Variants in PRAM1 observed in about 807,000 individuals in gnomAD.
PRAM1 encodes PML-RARA regulated adaptor molecule 1, also known as PML-RARA-regulated adapter molecule 1.
A neutral mutation model predicts 55.3 loss-of-function variants in PRAM1; 41 were observed. The ratio of observed to expected loss-of-function variants is 0.74; its 90% CI spans 0.58 to 0.96. The LOEUF (loss-of-function observed/expected upper bound fraction) is 0.96, where lower values mean the gene tolerates loss of function less well. PRAM1 is among the 40% of genes least tolerant of loss of function. PRAM1 has a pLI of 0.00. For synonymous variants in PRAM1, 401 were observed against 387.1 expected (o/e 1.04, Z -0.42); for missense variants, 898 against 892.7 (o/e 1.01, Z -0.08).
intron 3 of PRAM1, 30 bp from the exon 4 acceptor site, chr19:8,497,870 CTTTTT>C (rs58671333): frequency 3.7e-3 from 1,334 of 357,260 alleles, no homozygotes; most frequent in East Asian, 4.4e-3. Context: ...GAGGCCTCTT[CTTTTT>C]TTTTTTTTTT....
chr19:8,491,226 T>C (rs1451480281), intron 4 of PRAM1, 69 bp from the exon 5 acceptor site: 7 of 1,464,382 alleles, frequency 4.8e-6, no homozygotes, highest in Non-Finnish European at 5.6e-6. Context: ...GTAGCTGTTT[T>C]TTGTTTGTTT....
At chr19:8,496,792 C>T (rs1971705040) in intron 4 of PRAM1, among the ~76,000 whole-genome samples, 1 of 152,042 alleles carries the variant, frequency 6.6e-6, no homozygotes, top group Non-Finnish European at 1.5e-5. Context: ...AATCCCAGCA[C>T]TTTGGGAGGC....
rs1205362747 is a variant in PRAM1 at position 8,493,805 on chromosome 19, C to A, written c.1577-2648G>T. The stretch of plus-strand genomic sequence containing the variant: ...AGGGAAGTGGGACCTTTTTTTTTTT[C>A]TTTTTTTCTTGAGACAGGGTCTCGT... On this transcript the variant is annotated intron_variant, in intron 4 of 9. Coordinates refer to ENST00000423345, the MANE Select transcript of PRAM1 (RefSeq NM_032152.5). This position sits in a 1 kb window ranked among gnomAD's most constrained non-coding sequence, Gnocchi z 4.1. Among the ~76,000 whole-genome samples the A allele has an allele frequency of 1.3e-5, 2 of 149,170 alleles. No individual in the cohort carries two copies. The highest frequency in any genetic ancestry group is 3.0e-5 in the Non-Finnish European group (2 of 67,106).
rs756052037 is a variant in PRAM1 at position 8,490,868 on chromosome 19, C to CTTAG, written c.1743+15_1743+18dup. The CTTAG allele has an allele frequency of 1.2e-6, 2 of 1,612,004 alleles. No homozygotes were observed. Among genetic ancestry groups the CTTAG allele is most frequent in the South Asian group, 2.2e-5 (2 of 91,076 alleles). On this transcript the variant is annotated intron_variant, in intron 6 of 9. Transcript: ENST00000423345. This position sits in a 1 kb window ranked among gnomAD's most constrained non-coding sequence, Gnocchi z 7.3. ...GGTCTCCGCCCTGCCAGGACTCCTG[C>CTTAG]TTAGCTCAGAGGCCTCACCTTGAAC...
Position 8,490,591 on chromosome 19 carries a change from C to A in PRAM1, c.1906+3G>T. On this transcript the variant is annotated splice_donor_region_variant and intron_variant, in intron 7 of 9. Coordinates refer to ENST00000423345, the MANE Select transcript of PRAM1 (RefSeq NM_032152.5). The surrounding 1 kb of genome is among the most constrained non-coding windows in gnomAD (Gnocchi z 7.3). ...CCGGGGCTGCGGGGCCGGGCGCACT[C>A]ACATTTGCCTTTGGGGTCCCGGCAC... The A allele has an allele frequency of 6.3e-7, 1 of 1,587,586 alleles. No individual in the cohort carries two copies. Among genetic ancestry groups the A allele is most frequent in the East Asian group, 2.3e-5 (1 of 43,378 alleles).
intron 1 of PRAM1, among the ~76,000 whole-genome samples, 184 bp downstream of exon 1, chr19:8,502,381 T>C (rs11667920): frequency 0.26 from 40,141 of 151,938 alleles, 5,888 homozygotes; most frequent in East Asian, 0.52. Flanking sequence ...CGCGCTGTCC[T>C]GGGGTGTGCC....
At position 8,490,488 on chromosome 19, in the gene PRAM1, G is replaced by A. The variant is rs780939914; in HGVS notation, c.1928C>T (p.Ala643Val). 8 of 1,612,368 alleles carry A rather than the reference G, an allele frequency of 5.0e-6. No individual in the cohort carries two copies. The highest frequency in any genetic ancestry group is 1.7e-5 in the Admixed American group (1 of 59,798). ...KGKYGYVPRT[A>V]LLPLETEVYD... is the part of the protein sequence containing the mutation. ...GGCTGGCACTCACAGGGGCAGGAGCGCTGTTCTGGGCACGTAGCCATCTGT... is the reference window on the plus strand; with the variant it reads ...GGCTGGCACTCACAGGGGCAGGAGCACTGTTCTGGGCACGTAGCCATCTGT... Residue 643 changes from alanine (A) to valine (V), a missense_variant, in exon 8 of 10, where the codon GCG becomes GTG. Physicochemically the swap from Ala to Val is moderately conservative, Grantham distance 64 (BLOSUM62 0). Around this residue, in one of 4 missense-constraint regions of PRAM1, gnomAD observed 787 missense variants for 735.4 expected, o/e 1.07. Coordinates refer to ENST00000423345, the MANE Select transcript of PRAM1 (RefSeq NM_032152.5). The surrounding 1 kb of genome is among the most constrained non-coding windows in gnomAD (Gnocchi z 7.3).
rs751602709 is a variant in PRAM1 at position 8,499,519 on chromosome 19, G to A, written c.289C>T (p.Pro97Ser). 4.7e-6 allele frequency: 3 copies of A among 640,012 alleles called. No homozygotes were observed. Among genetic ancestry groups the A allele is most frequent in the Admixed American group, 2.9e-5 (1 of 34,308 alleles). 39.6% of individuals were successfully genotyped at this position (640,012 alleles called of 1,614,324 possible). A position where few individuals can be genotyped will look rare whatever the true frequency, so the allele number is the denominator to read the frequency against. Reference sequence around the variant, plus strand: ...TTGGGGAGGTCAGTGACCTCAGGCGGCGGGGGCTTCTTGGGGAGGTCAGTG... The same window carrying A: ...TTGGGGAGGTCAGTGACCTCAGGCGACGGGGGCTTCTTGGGGAGGTCAGTG... ...EVTDLPKKPP[P>S]PEVTDLPKKP... is the part of the protein sequence containing the mutation. Residue 97 changes from proline (P) to serine (S), a missense_variant, in exon 2 of 10, where the codon CCG (proline) becomes TCG (serine). Physicochemically the swap from Pro to Ser is moderately conservative, Grantham distance 74. Coordinates refer to ENST00000423345, the MANE Select transcript of PRAM1 (RefSeq NM_032152.5).
rs757273448 is a variant in PRAM1, at chr19:8,490,502, G to A, written c.1914C>T (p.Tyr638=). Residue 638 remains tyrosine (Y), a synonymous_variant, in exon 8 of 10, where the codon TAC becomes TAT. Transcript: ENST00000423345. The surrounding 1 kb of genome is among the most constrained non-coding windows in gnomAD (Gnocchi z 7.3). ...LCRDPKGKYG[Y]VPRTALLPLE... ...GGGGCAGGAGCGCTGTTCTGGGCAC[G>A]TAGCCATCTGTGGAGAGAGTGGGCA... is the stretch of plus-strand genomic sequence containing the variant. 130 of 1,611,454 alleles carry A rather than the reference G, an allele frequency of 8.1e-5. 1 individual carries two copies. In the Admixed American group the frequency reaches 1.9e-3, roughly 24 times the overall value.
In PRAM1 at chr19:8,498,691, C is replaced by T; in HGVS notation, c.1117G>A (p.Glu373Lys). 6.2e-7 allele frequency: 1 copy of T among 1,604,286 alleles called. No individual in the cohort carries two copies. Among genetic ancestry groups the T allele is most frequent in the Non-Finnish European group, 8.5e-7 (1 of 1,175,864 alleles). Residue 373 changes from glutamate (E) to lysine (K), a missense_variant, in exon 2 of 10, where the codon GAG (glutamate) becomes AAG (lysine). Around this residue, in one of 4 missense-constraint regions of PRAM1, gnomAD observed 787 missense variants for 735.4 expected, o/e 1.07. Coordinates refer to ENST00000423345, the MANE Select transcript of PRAM1 (RefSeq NM_032152.5). ...TTTCGAGGGAGATCACCGAAGAACT[C>T]AGGCTGCGGGTGTCTCTTGAGGACA... ...SAVLKRHPQP[E>K]FFGDLPRKPP... is the part of the protein sequence containing the mutation.
At chr19:8,492,885 T>A (rs1302631031) in intron 4 of PRAM1, among the ~76,000 whole-genome samples, 1 of 152,020 alleles carries the variant, frequency 6.6e-6, no homozygotes, top group African/African-American at 2.4e-5. Flanking sequence ...TAATGCCAGC[T>A]ACTCAGGAGG....
At position 8,497,720 on chromosome 19, in the gene PRAM1, T is replaced by C. The variant is rs1367733688; in HGVS notation, c.1576+44A>G. 3 of 1,528,068 alleles carry C rather than the reference T, an allele frequency of 2.0e-6. No individual in the cohort carries two copies. The East Asian group carries it at 6.7e-5, about 34-fold the overall frequency. The allele number at this position is 1,528,068 out of a possible 1,614,324, so 94.7% of individuals were successfully genotyped here. A position where few individuals can be genotyped will look rare whatever the true frequency, so the allele number is the denominator to read the frequency against. On this transcript the variant is annotated intron_variant, in intron 4 of 9. Transcript: ENST00000423345. ...CCAGGAGCATGGCAGAAAATGGCCT[T>C]GCCCCGAATGTTTTGCAGGGACTCG... is the stretch of plus-strand genomic sequence containing the variant.
intron 4 of PRAM1, among the ~76,000 whole-genome samples, chr19:8,496,895 G>A (rs1021297696): frequency 2.0e-5 from 3 of 152,024 alleles, no homozygotes; most frequent in African/African-American, 7.3e-5. Flanking sequence ...GCGCGGTGGT[G>A]GGTGCCTGTA....
At position 8,499,691 on chromosome 19, in the gene PRAM1, A is replaced by G; in HGVS notation, c.117T>C (p.Pro39=). 6.2e-7 allele frequency: 1 copy of G among 1,613,814 alleles called. No individual in the cohort carries two copies. The highest frequency in any genetic ancestry group is 8.5e-7 in the Non-Finnish European group (1 of 1,179,844). The change falls in exon 2 of 10, where the codon CCT becomes CCC. Residue 39 remains proline (P), a synonymous_variant. Transcript: ENST00000423345. ...PSDLPKKPPK[P]EFGKLKKFSQ... is the part of the protein sequence containing the mutation. ...AGAACTTCTTCAGTTTACCAAACTC[A>G]GGCTTCGGAGGTTTTTTGGGCAGGT...
At chr19:8,501,491 T>G in intron 1 of PRAM1, among the ~76,000 whole-genome samples, 1 of 150,930 alleles carries the variant, frequency 6.6e-6, no homozygotes, top group Admixed American at 6.7e-5. Context: ...TTTTACATTG[T>G]TTTTAATGTG....
rs1272740977 is a variant in PRAM1, at chr19:8,490,276, A to G, written c.1976-50T>C. ...GGACCCCTCTCCCCAGAAGCCCAAT[A>G]GTGAGCAGCGCCCCCGGGGAATCGC... On this transcript the variant is annotated intron_variant, in intron 9 of 9. Coordinates refer to ENST00000423345, the MANE Select transcript of PRAM1 (RefSeq NM_032152.5). This position sits in a 1 kb window ranked among gnomAD's most constrained non-coding sequence, Gnocchi z 7.3. 24 of 1,613,224 alleles carry G rather than the reference A, an allele frequency of 1.5e-5. No homozygotes were observed. Among genetic ancestry groups the G allele is most frequent in the Non-Finnish European group, 1.8e-5 (21 of 1,179,618 alleles).
At position 8,498,782 on chromosome 19, in the gene PRAM1, G is replaced by C. The variant is rs755914109; in HGVS notation, c.1026C>G (p.Pro342=). The stretch of plus-strand genomic sequence containing the variant: ...GGCGCTCCGGCTGCAGCAGCTTCCT[G>C]GGGAGTGAGTTGAACTCGGGCTCTG... The part of the protein sequence containing the change: ...TSSEPEFNSL[P]RKLLQPERRG... Residue 342 remains proline, a synonymous_variant, in exon 2 of 10, where the codon CCC becomes CCG. Transcript: ENST00000423345. 1.9e-6 allele frequency: 3 copies of C among 1,576,052 alleles called. No homozygotes were observed. The highest frequency in any genetic ancestry group is 2.7e-5 in the African/African-American group (2 of 73,956).
Position 8,490,281 on chromosome 19 carries a change from G to A in PRAM1, c.1976-55C>T. 6.2e-7 allele frequency: 1 copy of A among 1,613,540 alleles called. No homozygotes were observed. On this transcript the variant is annotated intron_variant, in intron 9 of 9. Coordinates refer to ENST00000423345, the MANE Select transcript of PRAM1 (RefSeq NM_032152.5). This position sits in a 1 kb window ranked among gnomAD's most constrained non-coding sequence, Gnocchi z 7.3. Reference sequence around the variant, plus strand: ...CCTCTCCCCAGAAGCCCAATAGTGAGCAGCGCCCCCGGGGAATCGCCAGGG... The same window carrying A: ...CCTCTCCCCAGAAGCCCAATAGTGAACAGCGCCCCCGGGGAATCGCCAGGG...
At chr19:8,500,356 T>C (rs1971789848) in intron 1 of PRAM1, among the ~76,000 whole-genome samples, 1 of 151,570 alleles carries the variant, frequency 6.6e-6, no homozygotes, top group East Asian at 2.0e-4. Flanking sequence ...CCCCAGGAGG[T>C]AGTGGGAGGC....
Sources: allele counts gnomAD v4.1 joint callset (sites outside exome capture counted in the v4.1 genomes callset), GRCh38; gene constraint gnomAD v4.1.1; regional missense constraint gnomAD v4.1.1; non-coding constraint Gnocchi (gnomAD v3.1); transcripts MANE v1.5; gene names NCBI Gene and HGNC (gene_info 2026-07-23, HGNC 2026-07-21).